RARB: variants seen among roughly 807,000 people sequenced by gnomAD.
RARB encodes HBV-activated protein.
In RARB, 17 loss-of-function variants were observed where a neutral mutation model predicts 51.9. The ratio of observed to expected loss-of-function variants is 0.33; its 90% CI spans 0.22 to 0.49. The LOEUF (loss-of-function observed/expected upper bound fraction) is 0.49. Ranked by LOEUF, RARB falls within the 20% of genes least tolerant of loss-of-function variation. The pLI is 0.99. For synonymous variants in RARB, 215 were observed against 195.4 expected, an observed-to-expected ratio of 1.10 and a Z score of -0.84; for missense variants, 369 against 550.8, an observed-to-expected ratio of 0.67 and a Z score of 3.30.
intron 4 of RARB, among the ~76,000 whole-genome samples, chr3:25,573,048 T>C (rs1261812479): frequency 1.3e-5 from 2 of 152,098 alleles, no homozygotes; most frequent in East Asian, 3.9e-4. Context: ...GAGCAGAACG[T>C]GGAGAGATAA....
At chr3:25,209,880 C>G (rs546515835) in intron 5 of RARB, among the ~76,000 whole-genome samples, 1 of 152,316 alleles carries the variant, frequency 6.6e-6, no homozygotes, top group South Asian at 2.1e-4. Context: ...GAAACTACTG[C>G]TGGGAAGCTC....
intron 3 of RARB, among the ~76,000 whole-genome samples, chr3:25,130,598 A>G (rs1276155480): frequency 6.6e-6 from 1 of 151,636 alleles, no homozygotes; most frequent in Non-Finnish European, 1.5e-5. Context: ...TACATCTCCT[A>G]TTAATCCTTA....
intron 5 of RARB, among the ~76,000 whole-genome samples, chr3:25,264,173 A>G (rs978677968): frequency 1.3e-5 from 2 of 152,092 alleles, no homozygotes; most frequent in African/African-American, 4.8e-5. Context: ...TAGAAAGCCA[A>G]TGATATTTTT....
chr3:25,394,963 T>G (rs1025690003), intron 5 of RARB, among the ~76,000 whole-genome samples: 4 of 152,168 alleles, frequency 2.6e-5, no homozygotes, highest in Admixed American at 2.6e-4. Context: ...CTGAATACTT[T>G]CATTATTTTT....
chr3:24,832,635 A>ATATATATATATATATATATATATATT (rs1702297647), intron 1 of RARB, among the ~76,000 whole-genome samples: 1 of 140,480 alleles, frequency 7.1e-6, no homozygotes, highest in Non-Finnish European at 1.5e-5. Flanking sequence ...CCCAATATAT[A>ATATATATATATATATATATATATATT]TATATATATA....
At chr3:24,898,585 G>A (rs866605806) in intron 2 of RARB, among the ~76,000 whole-genome samples, 1 of 152,016 alleles carries the variant, frequency 6.6e-6, no homozygotes, top group Non-Finnish European at 1.5e-5. Context: ...CCACATGTTG[G>A]CAATATTTTA....
chr3:25,527,516 A>G (rs1158580389), intron 3 of RARB, among the ~76,000 whole-genome samples: 1 of 152,202 alleles, frequency 6.6e-6, no homozygotes, highest in South Asian at 2.1e-4. Flanking sequence ...TTCCATCTCC[A>G]AATTGTCTGT....
At chr3:24,984,302 A>G (rs1342208525) in intron 2 of RARB, among the ~76,000 whole-genome samples, 1 of 152,206 alleles carries the variant, frequency 6.6e-6, no homozygotes. Context: ...AGATACTACT[A>G]AAGTAGGTTT....
At chr3:25,359,580 T>C (rs1301171694) in intron 5 of RARB, among the ~76,000 whole-genome samples, 1 of 152,202 alleles carries the variant, frequency 6.6e-6, no homozygotes, top group African/African-American at 2.4e-5. Context: ...GTGTTGATTT[T>C]AGATCTTTCC....
chr3:25,128,406 T>A (rs1699894179), intron 3 of RARB, among the ~76,000 whole-genome samples: 2 of 149,306 alleles, frequency 1.3e-5, no homozygotes. Flanking sequence ...TAATTTCAAA[T>A]AATTATACAA....
intron 3 of RARB, 58 bp downstream of exon 3, chr3:25,501,381 C>A: frequency 6.3e-7 from 1 of 1,586,572 alleles, no homozygotes; most frequent in South Asian, 1.2e-5. Context: ...GATTTGCTCA[C>A]CTTCCACAGT....
chr3:25,263,307 A>G (rs1703051767), intron 5 of RARB, among the ~76,000 whole-genome samples: 1 of 152,180 alleles, frequency 6.6e-6, no homozygotes, highest in Non-Finnish European at 1.5e-5. Flanking sequence ...TGCTGTAAGA[A>G]CAATTAGTAT....
chr3:25,458,617 T>C (rs76269161), intron 1 of RARB, among the ~76,000 whole-genome samples: 8,633 of 152,208 alleles, frequency 0.057, 363 homozygotes, highest in Admixed American at 0.13. Context: ...TGCCAACTTA[T>C]TCAAAGCAAG....
At chr3:25,166,826 A>G (rs1329925073) in intron 4 of RARB, among the ~76,000 whole-genome samples, 1 of 152,216 alleles carries the variant, frequency 6.6e-6, no homozygotes, top group East Asian at 1.9e-4. Flanking sequence ...TAGGGTCTTC[A>G]AGAAATCACA....
intron 2 of RARB, among the ~76,000 whole-genome samples, chr3:25,049,254 G>T (rs556877632): frequency 2.0e-5 from 3 of 152,270 alleles, no homozygotes; most frequent in East Asian, 3.9e-4. Context: ...CAAAAGGCAG[G>T]CTGAAGCTCA....
chr3:24,945,031 A>G (rs903135732), intron 2 of RARB, among the ~76,000 whole-genome samples: 1 of 152,250 alleles, frequency 6.6e-6, no homozygotes, highest in Non-Finnish European at 1.5e-5. Context: ...AGTTGGGAAC[A>G]TTCACATGGG....
chr3:25,036,819 G>A (rs1698004871), intron 2 of RARB, among the ~76,000 whole-genome samples: 1 of 152,132 alleles, frequency 6.6e-6, no homozygotes, highest in East Asian at 1.9e-4. Context: ...GGTGGGGAGG[G>A]GGGATCTGGC....
chr3:25,196,176 T>G (rs1701230029), intron 5 of RARB, among the ~76,000 whole-genome samples: 1 of 152,038 alleles, frequency 6.6e-6, no homozygotes, highest in South Asian at 2.1e-4. Context: ...ACCCACTAAT[T>G]CATCATGTAC....
At chr3:25,037,106 C>T (rs1041419271) in intron 2 of RARB, among the ~76,000 whole-genome samples, 6 of 152,120 alleles carry the variant, frequency 3.9e-5, no homozygotes, top group Non-Finnish European at 7.3e-5. Context: ...TTTATAGCTT[C>T]GTTGAAGCGG....
Sources: gnomAD v4.1 joint callset for allele counts (sites outside exome capture counted in the v4.1 genomes callset) on GRCh38, gnomAD v4.1.1 for gene constraint, MANE v1.5 for transcripts, NCBI Gene and HGNC (gene_info 2026-07-23, HGNC 2026-07-21) for gene names.